The following UBXN8 variants were observed in gnomAD, a reference collection of about 807,000 sequenced individuals.
UBXN8 encodes UBX domain protein 8.
Under a neutral mutation model 32.1 loss-of-function variants are expected in UBXN8, and 27 were observed. That is an observed-to-expected ratio of 0.84 (90% confidence interval 0.62 to 1.16). UBXN8 has a LOEUF of 1.16. Among genes scored for constraint, UBXN8 ranks in the 50% most tolerant of loss-of-function variants. The pLI is 0.00. For synonymous variants in UBXN8, 109 were observed against 111.8 expected, an observed-to-expected ratio of 0.98 and a Z score of 0.16; for missense variants, 306 against 311.4, an observed-to-expected ratio of 0.98 and a Z score of 0.13.
upstream of UBXN8, among the ~76,000 whole-genome samples, chr8:30,743,721 C>A (rs1805270830): frequency 6.6e-6 from 1 of 152,224 alleles, no homozygotes; most frequent in Admixed American, 6.5e-5. Context: ...GAACCAGAGA[C>A]TGCGGACGGG....
intron 5 of UBXN8, among the ~76,000 whole-genome samples, chr8:30,760,441 ATAT>A (rs1461018744): frequency 1.0e-4 from 5 of 49,118 alleles, no homozygotes; most frequent in South Asian, 1.0e-3. Context: ...ATATATATAT[ATAT>A]TTTTTTTTTT....
intron 1 of UBXN8, among the ~76,000 whole-genome samples, chr8:30,749,763 G>A (rs1312554640): frequency 2.6e-5 from 4 of 151,740 alleles, no homozygotes; most frequent in African/African-American, 9.7e-5. Flanking sequence ...CCGCCACCGC[G>A]CCCAGCTAAT....
upstream of UBXN8, among the ~76,000 whole-genome samples, chr8:30,743,354 C>T (rs934390262): frequency 1.5e-4 from 22 of 151,332 alleles, no homozygotes; most frequent in Non-Finnish European, 1.8e-4. Context: ...CGGGGTTTCA[C>T]CATATTTGCC....
At chr8:30,764,399 G>C (rs895101384) in intron 7 of UBXN8, among the ~76,000 whole-genome samples, 2 of 152,082 alleles carry the variant, frequency 1.3e-5, no homozygotes, top group African/African-American at 4.8e-5. Flanking sequence ...CAAACTCCTG[G>C]GCTCAAGTGA....
chr8:30,748,841 T>C (rs905083414), intron 1 of UBXN8, among the ~76,000 whole-genome samples: 3 of 152,074 alleles, frequency 2.0e-5, no homozygotes, highest in African/African-American at 7.2e-5. Context: ...TCGCCCGGCC[T>C]ATATATATGT....
Position 30,763,305 on chromosome 8 carries a change from G to A in UBXN8, c.603G>A (p.Gly201=). ...VVTVALRCPS[G]NVLRRRFLKS... is the part of the protein sequence containing the mutation. ...CTGTTGCTCTCCGATGTCCCAGTGG[G>A]AATGTCCTGAGGAGAAGGTTTTTGA... Residue 201 remains glycine, a synonymous_variant, in exon 7 of 8, where the codon GGG becomes GGA. Coordinates refer to ENST00000265616, the MANE Select transcript of UBXN8 (RefSeq NM_005671.4). The A allele has an allele frequency of 6.2e-7, 1 of 1,613,840 alleles. No individual in the cohort carries two copies.
At chr8:30,740,534 C>T (rs1805175891), upstream of UBXN8, among the ~76,000 whole-genome samples, 1 of 121,242 alleles carries the variant, frequency 8.2e-6, no homozygotes, top group South Asian at 2.8e-4. Context: ...AAGACCCCAT[C>T]TCCTGGAAAA....
chr8:30,731,404 GC>G, upstream of UBXN8, among the ~76,000 whole-genome samples: 1 of 152,250 alleles, frequency 6.6e-6, no homozygotes, highest in South Asian at 2.1e-4. Context: ...CTTTCTGCTT[GC>G]CCCGGACTTG....
chr8:30,740,550 AAAAG>A (rs1209859075), upstream of UBXN8, among the ~76,000 whole-genome samples: 3 of 145,920 alleles, frequency 2.1e-5, no homozygotes, highest in East Asian at 2.1e-4. Context: ...GAAAAAAAAA[AAAAG>A]AAAGGAAAGA....
chr8:30,757,765 A>G (rs1340220858), intron 5 of UBXN8, among the ~76,000 whole-genome samples: 1 of 150,642 alleles, frequency 6.6e-6, no homozygotes, highest in African/African-American at 2.4e-5. Flanking sequence ...AGGCTGAAGC[A>G]GGAGAATCTC....
Position 30,766,580 on chromosome 8 carries a change from G to T in UBXN8, c.*186G>T. The T allele has an allele frequency of 2.1e-6, 1 of 479,780 alleles. No homozygotes were observed. Among genetic ancestry groups the T allele is most frequent in the Non-Finnish European group, 3.3e-6 (1 of 301,014 alleles). The allele number at this position is 479,780 out of a possible 1,614,324, so 29.7% of individuals were successfully genotyped here. A position where few individuals can be genotyped will look rare whatever the true frequency, so the allele number is the denominator to read the frequency against. On this transcript the variant is annotated 3_prime_UTR_variant, in exon 8 of 8. Transcript: ENST00000265616. The stretch of plus-strand genomic sequence containing the variant: ...TTCTATATATAATAATCTGTGGACT[G>T]TGCCATTTTACAGTGTACCAAATGA...
chr8:30,733,087 T>G (rs1254881328), exon 1 of UBXN8: 1 of 152,208 alleles, frequency 6.6e-6, no homozygotes, highest in Non-Finnish European at 1.5e-5. Flanking sequence ...TTGGACTCAG[T>G]TTACTCTAGC....
Position 30,738,609 on chromosome 8 carries a change from C to A in UBXN8, c.622+5301C>A, listed in dbSNP as rs6993738. Among the ~76,000 whole-genome samples, 4 of 138,726 alleles carry A rather than the reference C, an allele frequency of 2.9e-5. No homozygotes were observed. The Admixed American group carries it at 3.0e-4, about 11-fold the overall frequency. 91.0% of individuals were successfully genotyped at this position (138,726 alleles called of 152,430 possible). On this transcript the variant is annotated intron_variant, in intron 1 of 1. Transcript: ENST00000522968. ...CTGGGAGGCGGAGCTTGCAGTGAGC[C>A]GAGATCGTGCCACTGCACTCCAGCC...
chr8:30,760,441 A>ATTTTTTTTT (rs1263036658), intron 5 of UBXN8, among the ~76,000 whole-genome samples: 14 of 49,102 alleles, frequency 2.9e-4, no homozygotes, highest in African/African-American at 7.6e-4. Context: ...ATATATATAT[A>ATTTTTTTTT]TATTTTTTTT....
intron 6 of UBXN8, 104 bp downstream of exon 6, chr8:30,761,033 A>ATG (rs1805818972): frequency 1.3e-6 from 1 of 769,844 alleles, no homozygotes; most frequent in Non-Finnish European, 2.0e-6. Flanking sequence ...AAGAAGTGAT[A>ATG]GCATAAGTGT....
chr8:30,763,395 C>T (rs1404006316), intron 7 of UBXN8, 48 bp downstream of exon 7: 11 of 1,555,934 alleles, frequency 7.1e-6, no homozygotes, highest in East Asian at 2.2e-5. Flanking sequence ...TTGAATATGG[C>T]AGTAGTTTAT....
intron 1 of UBXN8, among the ~76,000 whole-genome samples, chr8:30,746,515 A>ATTTTTTTTTTTTTTTTTTTTTTTT (rs58215831): frequency 8.2e-6 from 1 of 121,400 alleles, no homozygotes; most frequent in African/African-American, 3.3e-5. Context: ...CTTAAGCTAG[A>ATTTTTTTTTTTTTTTTTTTTTTTT]TTTTTTTTTT....
chr8:30,747,902 T>TTTC (rs1165282763), intron 1 of UBXN8, among the ~76,000 whole-genome samples: 1 of 114,346 alleles, frequency 8.7e-6, no homozygotes, highest in Non-Finnish European at 1.7e-5. Flanking sequence ...TTCTTTTTTT[T>TTTC]TTTTTTTTTT....
At chr8:30,733,818 T>C (rs1805020192) in intron 1 of UBXN8, 1 of 152,176 alleles carries the variant, frequency 6.6e-6, no homozygotes, top group East Asian at 1.9e-4. Context: ...AGGAACTACA[T>C]TTTGACCAAC....
Sources: gnomAD v4.1 joint callset for allele counts (sites outside exome capture counted in the v4.1 genomes callset) on GRCh38, gnomAD v4.1.1 for gene constraint, MANE v1.5 for transcripts, NCBI Gene and HGNC (gene_info 2026-07-23, HGNC 2026-07-21) for gene names.